Variants in ZMYM4 observed in about 807,000 individuals in gnomAD.
ZMYM4 encodes the protein zinc finger MYM-type containing 4.
In ZMYM4, 31 loss-of-function variants were observed where a neutral mutation model predicts 183.2. The observed-to-expected ratio is 0.17, with a 90% CI of 0.13 to 0.23. ZMYM4 has a LOEUF of 0.23. Among genes scored for constraint, ZMYM4 ranks in the 10% least tolerant of loss-of-function variants. ZMYM4 has a pLI of 1.00. For synonymous variants in ZMYM4, 592 were observed against 631.2 expected (o/e 0.94, Z 0.93); for missense variants, 1,273 against 1,840.3 (o/e 0.69, Z 5.64).
At chr1:35,304,111 G>A (rs976225634) in intron 1 of ZMYM4, among the ~76,000 whole-genome samples, 3 of 151,378 alleles carry the variant, frequency 2.0e-5, no homozygotes, top group South Asian at 2.1e-4. Flanking sequence ...TGCAACCTCC[G>A]CCTCCCACAT....
At chr1:35,334,476 A>C (rs1382408742) in intron 2 of ZMYM4, among the ~76,000 whole-genome samples, 2 of 152,168 alleles carry the variant, frequency 1.3e-5, no homozygotes, top group Non-Finnish European at 2.9e-5. Context: ...GTATGTTCTC[A>C]ACTCCTGTAG....
chr1:35,394,004 A>G (rs937969454), intron 18 of ZMYM4, among the ~76,000 whole-genome samples: 2 of 152,086 alleles, frequency 1.3e-5, no homozygotes, highest in African/African-American at 4.8e-5. Flanking sequence ...ATGTAATATT[A>G]TAGAATAAGC....
At chr1:35,273,583 T>C (rs1639722518) in intron 1 of ZMYM4, among the ~76,000 whole-genome samples, 2 of 152,312 alleles carry the variant, frequency 1.3e-5, no homozygotes, top group South Asian at 2.1e-4. Flanking sequence ...TACTTAAAAT[T>C]CTGTGTGTAT....
Position 35,419,689 on chromosome 1 carries a change from G to A in ZMYM4, c.*12G>A. On this transcript the variant is annotated 3_prime_UTR_variant, in exon 30 of 30. Transcript: ENST00000314607. ...AATTATCAGATTAAAACGGAAGTGA[G>A]GTTCTTATTTTCATACATATTGGTA... The A allele has an allele frequency of 6.2e-7, 1 of 1,613,802 alleles. No homozygotes were observed. Among genetic ancestry groups the A allele is most frequent in the Non-Finnish European group, 8.5e-7 (1 of 1,179,826 alleles).
intron 7 of ZMYM4, among the ~76,000 whole-genome samples, chr1:35,379,318 CT>C (rs1027786987): frequency 4.7e-4 from 71 of 152,318 alleles, no homozygotes; most frequent in African/African-American, 1.5e-3. Context: ...CCAGAATGGT[CT>C]GGATCTCTTG....
At chr1:35,336,635 C>T (rs1642986847) in intron 2 of ZMYM4, among the ~76,000 whole-genome samples, 1 of 152,106 alleles carries the variant, frequency 6.6e-6, no homozygotes. Flanking sequence ...AAACTCCTGA[C>T]CTCAGGTGAT....
In ZMYM4 at chr1:35,384,883, C is replaced by T. The variant is rs541957534; in HGVS notation, c.1570-559C>T. 4.8e-5 allele frequency among the ~76,000 whole-genome samples: 6 copies of T among 125,962 alleles called. No individual in the cohort carries two copies. The South Asian group carries it at 1.2e-3, about 25-fold the overall frequency. The allele number at this position is 125,962 out of a possible 152,430, so 82.6% of individuals were successfully genotyped here. Reference sequence around the variant, plus strand: ...TTGAGGTGGAATCTTCTCATTCTGTCGCCAGGCTGGAGTGCAGTGGCACGA... The same window carrying T: ...TTGAGGTGGAATCTTCTCATTCTGTTGCCAGGCTGGAGTGCAGTGGCACGA... On this transcript the variant is annotated intron_variant, in intron 9 of 29. Transcript: ENST00000314607.
At chr1:35,323,293 C>T (rs189986984) in intron 1 of ZMYM4, among the ~76,000 whole-genome samples, 21 of 152,272 alleles carry the variant, frequency 1.4e-4, no homozygotes, top group African/African-American at 5.1e-4. Flanking sequence ...TGAGCCACTG[C>T]ACCCGGCTGG....
intron 1 of ZMYM4, among the ~76,000 whole-genome samples, chr1:35,292,872 C>T (rs143400861): frequency 2.8e-4 from 43 of 152,270 alleles, no homozygotes; most frequent in African/African-American, 9.9e-4. Flanking sequence ...ACCGCCTTCC[C>T]GCCTTTACAG....
At chr1:35,386,531 TC>T (rs998604633) in intron 11 of ZMYM4, among the ~76,000 whole-genome samples, 1 of 152,168 alleles carries the variant, frequency 6.6e-6, no homozygotes, top group Non-Finnish European at 1.5e-5. Context: ...TCCAGTCACT[TC>T]CTGCCAGGCT....
chr1:35,412,063 T>G (rs1444603314), intron 26 of ZMYM4, among the ~76,000 whole-genome samples: 1 of 151,902 alleles, frequency 6.6e-6, no homozygotes, highest in Non-Finnish European at 1.5e-5. Context: ...TTTTTTTTTT[T>G]TGTATTTTTA....
Position 35,421,181 on chromosome 1 carries a change from C to T in ZMYM4, c.*1504C>T, listed in dbSNP as rs1460597897. ...GGTGGCAGGTGTATTTCTTTTTTAACAAATAAAAGGCATTTAAGTAAAACT... is the reference window on the plus strand; with the variant it reads ...GGTGGCAGGTGTATTTCTTTTTTAATAAATAAAAGGCATTTAAGTAAAACT... On this transcript the variant is annotated 3_prime_UTR_variant, in exon 30 of 30. Transcript: ENST00000314607. The T allele has an allele frequency of 2.0e-5, 3 of 152,470 alleles. No individual in the cohort carries two copies. Among genetic ancestry groups the T allele is most frequent in the Non-Finnish European group, 4.4e-5 (3 of 68,006 alleles). 9.4% of individuals were successfully genotyped at this position (152,470 alleles called of 1,614,324 possible).
intron 5 of ZMYM4, among the ~76,000 whole-genome samples, chr1:35,364,701 GT>G (rs1644026678): frequency 6.6e-6 from 1 of 152,064 alleles, no homozygotes; most frequent in Non-Finnish European, 1.5e-5. Context: ...TTCTTTCATG[GT>G]TCAATAAAAT....
At chr1:35,344,132 C>A (rs1643306343) in intron 2 of ZMYM4, among the ~76,000 whole-genome samples, 1 of 151,552 alleles carries the variant, frequency 6.6e-6, no homozygotes, top group Non-Finnish European at 1.5e-5. Context: ...GGGCTCACTG[C>A]AACCTCTACC....
At chr1:35,354,728 A>AAC in intron 2 of ZMYM4, among the ~76,000 whole-genome samples, 1 of 66,424 alleles carries the variant, frequency 1.5e-5, no homozygotes, top group African/African-American at 1.3e-4. Flanking sequence ...CTTTGTCTTT[A>AAC]AAAAAAAAAA....
At chr1:35,412,156 G>A (rs774588424) in intron 26 of ZMYM4, among the ~76,000 whole-genome samples, 8 of 151,332 alleles carry the variant, frequency 5.3e-5, no homozygotes, top group Admixed American at 4.6e-4. Context: ...TGGGATTACA[G>A]GCATGAGCCA....
chr1:35,321,693 T>G (rs575108932), intron 1 of ZMYM4, among the ~76,000 whole-genome samples: 5 of 152,184 alleles, frequency 3.3e-5, no homozygotes, highest in South Asian at 2.1e-4. Context: ...ATGAGATTTT[T>G]GGGAGATTAA....
At chr1:35,385,104 C>T (rs1644547898) in intron 9 of ZMYM4, among the ~76,000 whole-genome samples, 1 of 152,114 alleles carries the variant, frequency 6.6e-6, no homozygotes, top group Non-Finnish European at 1.5e-5. Flanking sequence ...CTCGGCCTCC[C>T]GATGTGCTGG....
intron 26 of ZMYM4, among the ~76,000 whole-genome samples, chr1:35,411,697 T>C (rs1558196728): frequency 6.6e-6 from 1 of 152,252 alleles, no homozygotes. Flanking sequence ...AATATTGCCA[T>C]TTTAACATCA....
Sources: gnomAD v4.1 joint callset for allele counts (sites outside exome capture counted in the v4.1 genomes callset) on GRCh38, gnomAD v4.1.1 for gene constraint, MANE v1.5 for transcripts, NCBI Gene and HGNC (gene_info 2026-07-23, HGNC 2026-07-21) for gene names.